Variants in PRKG1 observed in about 807,000 individuals in gnomAD.
PRKG1 encodes the protein cGMP-dependent protein kinase 1.
PRKG1 carries 35 observed loss-of-function variants against 88.1 expected under a neutral mutation model. That is an observed-to-expected ratio of 0.40 (90% CI 0.30 to 0.53). PRKG1 has a LOEUF of 0.53. Among genes scored for constraint, PRKG1 ranks in the 20% least tolerant of loss-of-function variants. The pLI, the probability that PRKG1 is intolerant of heterozygous loss-of-function variation, is 0.59. For synonymous variants in PRKG1, 303 were observed against 292.5 expected (o/e 1.04, Z -0.37); for missense variants, 540 against 839.8 (o/e 0.64, Z 4.41).
At chr10:51,144,697 T>C (rs1262071515) in intron 1 of PRKG1, among the ~76,000 whole-genome samples, 1 of 152,174 alleles carries the variant, frequency 6.6e-6, no homozygotes, top group Non-Finnish European at 1.5e-5. Context: ...AGACTGTAAA[T>C]GTCTAATGTA....
intron 9 of PRKG1, among the ~76,000 whole-genome samples, chr10:52,227,531 G>A (rs577740584): frequency 4.3e-4 from 66 of 152,192 alleles, no homozygotes; most frequent in Non-Finnish European, 7.9e-4. Context: ...AAGTGTATGG[G>A]AGGATGTGCT....
intron 5 of PRKG1, among the ~76,000 whole-genome samples, chr10:51,930,184 G>C (rs1487775385): frequency 6.6e-6 from 1 of 152,164 alleles, no homozygotes; most frequent in African/African-American, 2.4e-5. Flanking sequence ...ATTTAGAATA[G>C]TTAAAATTGT....
chr10:51,671,768 T>C (rs1840586324), intron 3 of PRKG1, among the ~76,000 whole-genome samples: 1 of 151,968 alleles, frequency 6.6e-6, no homozygotes, highest in Admixed American at 6.6e-5. Context: ...TTGTATTTTT[T>C]GTAGGGACGG....
At chr10:51,871,574 G>T (rs1841159721) in intron 4 of PRKG1, among the ~76,000 whole-genome samples, 2 of 152,182 alleles carry the variant, frequency 1.3e-5, no homozygotes, top group Non-Finnish European at 2.9e-5. Context: ...TGACACATTT[G>T]GTGGGAGAAT....
chr10:51,633,574 G>C (rs890212398), intron 3 of PRKG1, among the ~76,000 whole-genome samples: 1 of 152,180 alleles, frequency 6.6e-6, no homozygotes, highest in African/African-American at 2.4e-5. Context: ...GCATAAACAT[G>C]ATAATGAATG....
At chr10:51,618,313 A>G (rs1161406725) in intron 3 of PRKG1, among the ~76,000 whole-genome samples, 1 of 152,184 alleles carries the variant, frequency 6.6e-6, no homozygotes, top group Non-Finnish European at 1.5e-5. Context: ...AAAATTATAT[A>G]TGTAGGTCAT....
At chr10:51,326,910 G>A (rs979398050) in intron 2 of PRKG1, among the ~76,000 whole-genome samples, 4 of 152,136 alleles carry the variant, frequency 2.6e-5, no homozygotes, top group Non-Finnish European at 5.9e-5. Flanking sequence ...TTGGGAAACT[G>A]TTTTCTTGCA....
rs1282530178 is a variant in PRKG1, at chr10:51,958,571, C to T, written c.762+51001C>T. Among the ~76,000 whole-genome samples, 5 of 122,032 alleles carry T rather than the reference C, an allele frequency of 4.1e-5. No individual in the cohort carries two copies. In the East Asian group the frequency reaches 8.8e-4, roughly 21 times the overall value. The allele number at this position is 122,032 out of a possible 152,430, so 80.1% of individuals were successfully genotyped here. A position where few individuals can be genotyped will look rare whatever the true frequency, so the allele number is the denominator to read the frequency against. On this transcript the variant is annotated intron_variant, in intron 5 of 17. Coordinates refer to ENST00000373980, the MANE Select transcript of PRKG1 (RefSeq NM_006258.4). ...CTTTTTTTTTTTTTTTTCAGTTGGACGTCTACAGAGTATTTTTTTTTTTTT... is the reference window on the plus strand; with the variant it reads ...CTTTTTTTTTTTTTTTTCAGTTGGATGTCTACAGAGTATTTTTTTTTTTTT...
chr10:52,086,132 A>G (rs1341964403), intron 7 of PRKG1, among the ~76,000 whole-genome samples: 1 of 151,960 alleles, frequency 6.6e-6, no homozygotes, highest in Non-Finnish European at 1.5e-5. Flanking sequence ...AATGTGTACT[A>G]TGCTTTTAAT....
chr10:52,223,637 G>A (rs1156593587), intron 9 of PRKG1, among the ~76,000 whole-genome samples: 1 of 152,068 alleles, frequency 6.6e-6, no homozygotes, highest in African/African-American at 2.4e-5. Flanking sequence ...TTCCAGCCTG[G>A]ATTTATCTTT....
intron 3 of PRKG1, among the ~76,000 whole-genome samples, chr10:51,685,995 G>T (rs1324769017): frequency 1.3e-5 from 2 of 152,092 alleles, no homozygotes; most frequent in Non-Finnish European, 2.9e-5. Context: ...CATGGGCTGA[G>T]TCACTGACCA....
intron 2 of PRKG1, among the ~76,000 whole-genome samples, chr10:51,232,464 T>C (rs1404478931): frequency 6.6e-6 from 1 of 152,166 alleles, no homozygotes; most frequent in Admixed American, 6.6e-5. Flanking sequence ...TTGATGGTGA[T>C]GGACTTGAAA....
chr10:51,892,571 A>G (rs1472840876), intron 4 of PRKG1, among the ~76,000 whole-genome samples: 2 of 152,186 alleles, frequency 1.3e-5, no homozygotes, highest in Non-Finnish European at 2.9e-5. Context: ...AGGGGTTTTG[A>G]AGTTTCATGC....
At chr10:52,222,718 A>C (rs1180958058) in intron 9 of PRKG1, among the ~76,000 whole-genome samples, 1 of 152,236 alleles carries the variant, frequency 6.6e-6, no homozygotes, top group Non-Finnish European at 1.5e-5. Flanking sequence ...TGTAACAATT[A>C]AATGACAATA....
rs376650592 is a variant in PRKG1 at position 51,709,000 on chromosome 10, A to G, written c.593-95585A>G. Reference sequence around the variant, plus strand: ...CTTATGAAGGAAGGGAGCAGTTAAAAGGGCTGTTTTGAGCTAGACAGCCAT... The same window carrying G: ...CTTATGAAGGAAGGGAGCAGTTAAAGGGGCTGTTTTGAGCTAGACAGCCAT... On this transcript the variant is annotated intron_variant, in intron 3 of 17. Coordinates refer to ENST00000373980, the MANE Select transcript of PRKG1 (RefSeq NM_006258.4). Among the ~76,000 whole-genome samples the G allele has an allele frequency of 2.3e-3, 345 of 152,338 alleles. 3 individuals are homozygous for G. The highest frequency in any genetic ancestry group is 7.7e-3 in the African/African-American group (321 of 41,574).
chr10:51,931,210 C>G (rs1309234875), intron 5 of PRKG1, among the ~76,000 whole-genome samples: 1 of 152,130 alleles, frequency 6.6e-6, no homozygotes, highest in Non-Finnish European at 1.5e-5. Context: ...TGGATTGAAC[C>G]TATTATTAGA....
chr10:51,483,680 T>C (rs1463989176), intron 3 of PRKG1, among the ~76,000 whole-genome samples: 1 of 152,174 alleles, frequency 6.6e-6, no homozygotes, highest in Non-Finnish European at 1.5e-5. Context: ...GCCTTCAAGG[T>C]TGTTGACTTC....
chr10:51,900,390 C>G (rs1026465201), intron 4 of PRKG1, among the ~76,000 whole-genome samples: 2 of 152,238 alleles, frequency 1.3e-5, no homozygotes, highest in South Asian at 4.1e-4. Flanking sequence ...TAGCAATAAA[C>G]TTTTCATACT....
chr10:52,015,435 G>T (rs1845014001), intron 5 of PRKG1, among the ~76,000 whole-genome samples: 1 of 152,170 alleles, frequency 6.6e-6, no homozygotes, highest in South Asian at 2.1e-4. Flanking sequence ...GCAGGGTCTT[G>T]GGCCAGGCCC....
Sources: gnomAD v4.1 joint callset for allele counts (sites outside exome capture counted in the v4.1 genomes callset) on GRCh38, gnomAD v4.1.1 for gene constraint, MANE v1.5 for transcripts, NCBI Gene and HGNC (gene_info 2026-07-23, HGNC 2026-07-21) for gene names.